PPIL3: variants seen among roughly 807,000 people sequenced by gnomAD.
PPIL3 encodes the protein peptidylprolyl isomerase like 3.
PPIL3 carries 13 observed loss-of-function variants against 20.9 expected under a neutral mutation model. That is an observed-to-expected ratio of 0.62 (90% CI 0.40 to 0.99). The LOEUF is 0.99. PPIL3 is among the 50% of genes least tolerant of loss of function. PPIL3 has a pLI of 0.00. For missense variants in PPIL3, 170 were observed against 195.2 expected, an observed-to-expected ratio of 0.87 and a Z score of 0.77; for synonymous variants, 71 against 64.4, an observed-to-expected ratio of 1.10 and a Z score of -0.49.
At chr2:200,886,735 G>C (rs1244152004) in intron 2 of PPIL3, among the ~76,000 whole-genome samples, 1 of 152,018 alleles carries the variant, frequency 6.6e-6, no homozygotes, top group Non-Finnish European at 1.5e-5. Context: ...CTAGCAGTTA[G>C]AGAGTATGAG....
chr2:200,885,604 G>A, intron 3 of PPIL3, 94 bp downstream of exon 3: 1 of 822,588 alleles, frequency 1.2e-6, no homozygotes, highest in Non-Finnish European at 2.0e-6. Flanking sequence ...TTTACAGAAA[G>A]TTTTGTTGTT....
chr2:200,882,441 G>C lies in PPIL3; in HGVS notation c.79-6C>G. Reference sequence around the variant, plus strand: ...GCACAAAGAGCCAAGAAATTCTGAAGGGAGTAAAAATGATTGAGAAATGAT... The same window carrying C: ...GCACAAAGAGCCAAGAAATTCTGAACGGAGTAAAAATGATTGAGAAATGAT... On this transcript the variant is annotated splice_region_variant and splice_polypyrimidine_tract_variant and intron_variant, in intron 3 of 6. Coordinates refer to ENST00000392283, the MANE Select transcript of PPIL3 (RefSeq NM_130906.3). 1 of 1,547,608 alleles carries C rather than the reference G, an allele frequency of 6.5e-7. No homozygotes were observed. The highest frequency in any genetic ancestry group is 1.1e-5 in the South Asian group (1 of 89,556).
intron 6 of PPIL3, among the ~76,000 whole-genome samples, chr2:200,876,348 T>C (rs560639490): frequency 6.6e-6 from 1 of 152,090 alleles, no homozygotes; most frequent in African/African-American, 2.4e-5. Flanking sequence ...ATATACTATG[T>C]TAATTTGCAT....
intron 5 of PPIL3, among the ~76,000 whole-genome samples, chr2:200,878,822 C>A (rs779588360): frequency 1.2e-4 from 18 of 152,180 alleles, no homozygotes; most frequent in Non-Finnish European, 2.4e-4. Flanking sequence ...TAAGGTTATA[C>A]ATGTACATAT....
chr2:200,889,252 C>T (rs1227060869), upstream of PPIL3: 3 of 346,616 alleles, frequency 8.7e-6, no homozygotes, highest in African/African-American at 4.3e-5. Context: ...ACCTGGGCAA[C>T]CTCAAGCAAT....
intron 5 of PPIL3, among the ~76,000 whole-genome samples, chr2:200,878,319 C>T (rs1006829898): frequency 1.3e-5 from 2 of 151,892 alleles, no homozygotes; most frequent in Non-Finnish European, 2.9e-5. Context: ...TCCATGTGCT[C>T]CTCTCCATTT....
intron 6 of PPIL3, among the ~76,000 whole-genome samples, chr2:200,872,658 C>G (rs914120958): frequency 8.6e-5 from 13 of 152,022 alleles, no homozygotes; most frequent in Admixed American, 8.5e-4. Flanking sequence ...ATAAAATATT[C>G]CTTTCACTCC....
chr2:200,882,456 T>G, intron 3 of PPIL3, 21 bp from the exon 4 acceptor site: 1 of 1,409,168 alleles, frequency 7.1e-7, no homozygotes, highest in South Asian at 1.2e-5. Context: ...TAAAAATGAT[T>G]GAGAAATGAT....
At chr2:200,879,383 T>TTACA (rs2039634697) in intron 5 of PPIL3, among the ~76,000 whole-genome samples, 1 of 151,990 alleles carries the variant, frequency 6.6e-6, no homozygotes, top group Admixed American at 6.6e-5. Flanking sequence ...CCTCCCAAAG[T>TTACA]GCTGGGATTA....
At chr2:200,888,155 T>C (rs2124853510) in intron 1 of PPIL3, 1 of 152,028 alleles carries the variant, frequency 6.6e-6, no homozygotes, top group South Asian at 2.1e-4. Context: ...AATCTCCTAC[T>C]TGCCCGGCTT....
Position 200,881,455 on chromosome 2 carries a change from T to C in PPIL3, c.206A>G (p.Lys69Arg). 3 of 1,613,576 alleles carry C rather than the reference T, an allele frequency of 1.9e-6. No individual in the cohort carries two copies. Among genetic ancestry groups the C allele is most frequent in the Non-Finnish European group, 2.5e-6 (3 of 1,179,770 alleles). Residue 69 changes from lysine to arginine, a missense_variant, in exon 5 of 7, where the codon AAG (lysine) becomes AGG (arginine). By Grantham distance (26) the Lys-to-Arg change is conservative. Coordinates refer to ENST00000392283, the MANE Select transcript of PPIL3 (RefSeq NM_130906.3). The part of the protein sequence containing the change: ...TGRGGNSIWG[K>R]KFEDEYSEYL... ...TTCACTGTATTCATCCTCAAACTTCTTGCCCCAAATACTGTTGCCTCCTCT... is the reference window on the plus strand; with the variant it reads ...TTCACTGTATTCATCCTCAAACTTCCTGCCCCAAATACTGTTGCCTCCTCT...
rs569230514 is a variant in PPIL3, at chr2:200,875,403, A to G, written c.359+1516T>C. Among the ~76,000 whole-genome samples the G allele has an allele frequency of 1.1e-4, 16 of 151,816 alleles. No individual in the cohort carries two copies. The South Asian group carries it at 1.5e-3, about 14-fold the overall frequency. On this transcript the variant is annotated intron_variant, in intron 6 of 6. Coordinates refer to ENST00000392283, the MANE Select transcript of PPIL3 (RefSeq NM_130906.3). ...CTGCCTCAGCTTCCTGAGTAGCTGGAATTACAGGCACGCACCACCGCACCC... is the reference window on the plus strand; with the variant it reads ...CTGCCTCAGCTTCCTGAGTAGCTGGGATTACAGGCACGCACCACCGCACCC...
At position 200,880,409 on chromosome 2, in the gene PPIL3, C is replaced by CTTTTTTTTTTTTTTT. The variant is rs779189285; in HGVS notation, c.240+1011_240+1012insAAAAAAAAAAAAAAA. ...AAACTGCATATTTTGATTGAGTAGA[C>CTTTTTTTTTTTTTTT]TTTTTTTTTTTTTTGAGTGGGGTCT... On this transcript the variant is annotated intron_variant, in intron 5 of 6. Transcript: ENST00000392283. Among the ~76,000 whole-genome samples, 2 of 131,888 alleles carry CTTTTTTTTTTTTTTT rather than the reference C, an allele frequency of 1.5e-5. 1 individual carries two copies. The highest frequency in any genetic ancestry group is 6.2e-5 in the African/African-American group (2 of 32,488). 86.5% of individuals were successfully genotyped at this position (131,888 alleles called of 152,430 possible).
rs188858472 is a variant in PPIL3 at position 200,874,573 on chromosome 2, T to G, written c.359+2346A>C. ...TTAATGAACCTAAGGTTAATCTTTG[T>G]TCTAAACTCTACAGTTTTGTCGCAA... On this transcript the variant is annotated intron_variant, in intron 6 of 6. Coordinates refer to ENST00000392283, the MANE Select transcript of PPIL3 (RefSeq NM_130906.3). Among the ~76,000 whole-genome samples, 4 of 152,336 alleles carry G rather than the reference T, an allele frequency of 2.6e-5. No homozygotes were observed. In the East Asian group the frequency reaches 7.7e-4, roughly 29 times the overall value.
intron 6 of PPIL3, among the ~76,000 whole-genome samples, chr2:200,876,381 C>G (rs934300165): frequency 6.6e-6 from 1 of 151,934 alleles, no homozygotes; most frequent in Non-Finnish European, 1.5e-5. Flanking sequence ...AAATTACTGG[C>G]CTCTTTTACA....
chr2:200,876,526 T>C (rs889947612), intron 6 of PPIL3, among the ~76,000 whole-genome samples: 13 of 150,448 alleles, frequency 8.6e-5, no homozygotes, highest in African/African-American at 3.2e-4. Context: ...CATTTTTTTT[T>C]TTTTTTTTTG....
chr2:200,877,282 A>C (rs2039559611), intron 5 of PPIL3, among the ~76,000 whole-genome samples: 1 of 152,176 alleles, frequency 6.6e-6, no homozygotes, highest in Non-Finnish European at 1.5e-5. Flanking sequence ...CTTTACCTTC[A>C]CAATATTTAA....
rs551976515 is a variant in PPIL3, at chr2:200,886,439, T to G, written c.4-667A>C. 1.7e-3 allele frequency among the ~76,000 whole-genome samples: 257 copies of G among 152,088 alleles called. 3 individuals carry two copies. The highest frequency in any genetic ancestry group is 5.0e-4 in the Non-Finnish European group (34 of 67,958). Reference sequence around the variant, plus strand: ...CCTTTTTCATTTCTCCTTTTTTTTTTTTTTGAGGTGGAGTCTTGCTCTGTC... The same window carrying G: ...CCTTTTTCATTTCTCCTTTTTTTTTGTTTTGAGGTGGAGTCTTGCTCTGTC... On this transcript the variant is annotated intron_variant, in intron 2 of 6. Coordinates refer to ENST00000392283, the MANE Select transcript of PPIL3 (RefSeq NM_130906.3).
chr2:200,880,049 C>A (rs1265839019), intron 5 of PPIL3, among the ~76,000 whole-genome samples: 2 of 152,112 alleles, frequency 1.3e-5, no homozygotes, highest in East Asian at 3.9e-4. Flanking sequence ...GTAAAATGAA[C>A]CAGCTTGGGC....
Sources: allele counts gnomAD v4.1 joint callset (sites outside exome capture counted in the v4.1 genomes callset), GRCh38; gene constraint gnomAD v4.1.1; transcripts MANE v1.5; gene names NCBI Gene and HGNC (gene_info 2026-07-23, HGNC 2026-07-21).